The following TRIM5 variants were observed in gnomAD, a reference collection of about 807,000 sequenced individuals.
TRIM5 encodes the protein tripartite motif containing 5, also known as tripartite motif-containing protein 5.
In TRIM5, 31 loss-of-function variants were observed where a neutral mutation model predicts 35.6. The ratio of observed to expected loss-of-function variants is 0.87; its 90% confidence interval spans 0.65 to 1.18. TRIM5 has a LOEUF of 1.18. Ranked by LOEUF, TRIM5 falls within the 50% of genes most tolerant of loss-of-function variation. The pLI is 0.00. For synonymous variants in TRIM5, 243 were observed against 215.6 expected, an observed-to-expected ratio of 1.13 and a Z score of -1.11; for missense variants, 609 against 591.6, an observed-to-expected ratio of 1.03 and a Z score of -0.31.
the TRIM5 span, chr11:5,604,618 A>T: frequency 1.2e-6 from 2 of 1,611,648 alleles, no homozygotes; most frequent in Non-Finnish European, 1.7e-6. Context: ...AGAGAAGAAA[A>T]CATCCTGGAA....
In TRIM5 at chr11:5,663,453, A is replaced by G. The variant is rs1850905783; in HGVS notation, c.*1356T>C. ...AAAAAATGAGAATTTAGTAAATCCAATCCTAGTTTCCCTGAAGGCACAACC... is the reference window on the plus strand; with the variant it reads ...AAAAAATGAGAATTTAGTAAATCCAGTCCTAGTTTCCCTGAAGGCACAACC... On this transcript the variant is annotated 3_prime_UTR_variant, in exon 8 of 8. Transcript: ENST00000380034. 1 of 985,206 alleles carries G rather than the reference A, an allele frequency of 1.0e-6. No individual in the cohort carries two copies. Among genetic ancestry groups the G allele is most frequent in the Admixed American group, 6.2e-5 (1 of 16,258 alleles). 61.0% of individuals were successfully genotyped at this position (985,206 alleles called of 1,614,324 possible).
chr11:5,654,223 CT>C, the TRIM5 span, among the ~76,000 whole-genome samples: 1 of 151,838 alleles, frequency 6.6e-6, no homozygotes, highest in East Asian at 1.9e-4. Flanking sequence ...TGTTTTCTTG[CT>C]TTTTTTGTTT....
At chr11:5,611,082 G>C in the TRIM5 span, 2 of 1,614,156 alleles carry the variant, frequency 1.2e-6, no homozygotes, top group Admixed American at 3.3e-5. Context: ...TGGATACTGG[G>C]TGATTGGGTT....
At chr11:5,674,754 A>G (rs1201995083) in intron 4 of TRIM5, among the ~76,000 whole-genome samples, 4 of 152,244 alleles carry the variant, frequency 2.6e-5, no homozygotes, top group Non-Finnish European at 5.9e-5. Context: ...AGACTATCTC[A>G]CACCATGGAG....
intron 1 of TRIM5, among the ~76,000 whole-genome samples, chr11:5,681,611 C>CTT (rs1852454763): frequency 6.6e-6 from 1 of 152,096 alleles, no homozygotes; most frequent in Non-Finnish European, 1.5e-5. Context: ...CCTCAATAAA[C>CTT]TTGTTTGTGG....
At chr11:5,603,310 A>G in the TRIM5 span, 1 of 1,614,032 alleles carries the variant, frequency 6.2e-7, no homozygotes, top group East Asian at 2.2e-5. Context: ...GAGAGTAGCT[A>G]CAATGACTTC....
At chr11:5,620,984 AT>A in the TRIM5 span, among the ~76,000 whole-genome samples, 1 of 152,156 alleles carries the variant, frequency 6.6e-6, no homozygotes, top group Admixed American at 6.5e-5. Context: ...TTACTAGAAT[AT>A]TTTTAGTCCC....
At chr11:5,679,580 C>A (rs374939537) in intron 2 of TRIM5, among the ~76,000 whole-genome samples, 181 bp downstream of exon 2, 1 of 151,918 alleles carries the variant, frequency 6.6e-6, no homozygotes, top group Non-Finnish European at 1.5e-5. Context: ...GGATTATTCT[C>A]CTGTAATTGG....
intron 1 of TRIM5, among the ~76,000 whole-genome samples, chr11:5,681,464 A>G (rs1852443190): frequency 6.6e-6 from 1 of 152,176 alleles, no homozygotes; most frequent in Non-Finnish European, 1.5e-5. Flanking sequence ...CAAATCTATA[A>G]CTAAGGTCTG....
At chr11:5,657,557 TTATA>T in the TRIM5 span, among the ~76,000 whole-genome samples, 1 of 96,222 alleles carries the variant, frequency 1.0e-5, no homozygotes, top group African/African-American at 5.4e-5. Context: ...TATAATGCAT[TTATA>T]TATATTATTT....
chr11:5,610,832 C>A, the TRIM5 span: 4 of 1,614,062 alleles, frequency 2.5e-6, no homozygotes, highest in Non-Finnish European at 3.4e-6. Flanking sequence ...TGGCTAAAAA[C>A]CGGAGACAAG....
At chr11:5,680,855 A>G (rs1466396144) in intron 1 of TRIM5, among the ~76,000 whole-genome samples, 4 of 152,228 alleles carry the variant, frequency 2.6e-5, no homozygotes. Context: ...ATTTACAAAA[A>G]TTATTTATCT....
chr11:5,641,393 G>A, the TRIM5 span: 1 of 1,314,086 alleles, frequency 7.6e-7, no homozygotes. Context: ...AGTAAATTCA[G>A]TGGTTGAAGT....
chr11:5,668,947 T>C (rs1300464342), intron 4 of TRIM5, among the ~76,000 whole-genome samples: 1 of 152,172 alleles, frequency 6.6e-6, no homozygotes, highest in African/African-American at 2.4e-5. Flanking sequence ...ATTTTTATTA[T>C]GTAACACCAA....
the TRIM5 span, chr11:5,603,301 A>G: frequency 6.2e-7 from 1 of 1,614,096 alleles, no homozygotes; most frequent in African/African-American, 1.3e-5. Context: ...AGGAGCCAGG[A>G]GAGTAGCTAC....
At chr11:5,645,877 A>AT in the TRIM5 span, 170 of 144,276 alleles carry the variant, frequency 1.2e-3, no homozygotes, top group South Asian at 2.6e-3. Context: ...GAAAAAAAAA[A>AT]AAAATATATA....
At chr11:5,661,679 A>C (rs143683964), downstream of TRIM5, among the ~76,000 whole-genome samples, 59 of 152,332 alleles carry the variant, frequency 3.9e-4, no homozygotes, top group Middle Eastern at 3.4e-3. Flanking sequence ...ATACACAGGC[A>C]GAGAGAAAAT....
At chr11:5,653,099 G>A in the TRIM5 span, among the ~76,000 whole-genome samples, 21 of 152,036 alleles carry the variant, frequency 1.4e-4, no homozygotes, top group East Asian at 3.9e-4. Flanking sequence ...TGATCTGCCC[G>A]CCTCGGCCTC....
the TRIM5 span, chr11:5,603,716 A>G: frequency 6.2e-7 from 1 of 1,613,076 alleles, no homozygotes; most frequent in Non-Finnish European, 8.5e-7. Context: ...CTCGTGGAGG[A>G]GGTTGCCCAG....
Sources: allele counts gnomAD v4.1 joint callset (sites outside exome capture counted in the v4.1 genomes callset), GRCh38; gene constraint gnomAD v4.1.1; transcripts MANE v1.5; gene names NCBI Gene and HGNC (gene_info 2026-07-23, HGNC 2026-07-21).